The following DGKG variants were observed in gnomAD, a reference collection of about 807,000 sequenced individuals.
DGKG encodes DAG kinase gamma.
A neutral mutation model predicts 105.3 loss-of-function variants in DGKG; 78 were observed. That is an observed-to-expected ratio of 0.74 (90% CI 0.62 to 0.89). The LOEUF (loss-of-function observed/expected upper bound fraction) is 0.89, where lower values mean the gene tolerates loss of function less well. Among genes scored for constraint, DGKG ranks in the 40% least tolerant of loss-of-function variants. The pLI, the probability that DGKG is intolerant of heterozygous loss-of-function variation, is 0.00. For missense variants in DGKG, 958 were observed against 1,020.1 expected, an observed-to-expected ratio of 0.94 and a Z score of 0.83; for synonymous variants, 346 against 367.1, an observed-to-expected ratio of 0.94 and a Z score of 0.66.
At chr3:186,212,875 G>A (rs965539677) in intron 20 of DGKG, among the ~76,000 whole-genome samples, 3 of 152,206 alleles carry the variant, frequency 2.0e-5, no homozygotes. Flanking sequence ...TCAGAAGAGA[G>A]GATGCCACCT....
chr3:186,192,686 T>TC (rs1174830098), intron 21 of DGKG, among the ~76,000 whole-genome samples: 1 of 152,080 alleles, frequency 6.6e-6, no homozygotes, highest in Non-Finnish European at 1.5e-5. Context: ...TGGAGATGAG[T>TC]CAGTGAGGCA....
At chr3:186,339,918 C>A (rs1726008568) in intron 1 of DGKG, among the ~76,000 whole-genome samples, 1 of 152,206 alleles carries the variant, frequency 6.6e-6, no homozygotes, top group Non-Finnish European at 1.5e-5. Flanking sequence ...ATCTCTTGAG[C>A]CCAAGTTTCC....
At chr3:186,312,895 G>C (rs1419565082) in intron 2 of DGKG, among the ~76,000 whole-genome samples, 1 of 152,208 alleles carries the variant, frequency 6.6e-6, no homozygotes, top group Non-Finnish European at 1.5e-5. Context: ...CATAAGCACG[G>C]ATGTACTTGC....
At chr3:186,354,257 C>T (rs1726796103) in intron 1 of DGKG, among the ~76,000 whole-genome samples, 1 of 152,100 alleles carries the variant, frequency 6.6e-6, no homozygotes, top group Non-Finnish European at 1.5e-5. Context: ...AGCCACTGTT[C>T]CCAGAGCAGA....
Position 186,194,068 on chromosome 3 carries a change from G to A in DGKG, c.1918-5689C>T, listed in dbSNP as rs551895575. 2.0e-5 allele frequency among the ~76,000 whole-genome samples: 3 copies of A among 152,346 alleles called. No homozygotes were observed. The South Asian group carries it at 6.2e-4, about 32-fold the overall frequency. ...CAGCGCCGGAGTCCGTCTGAACCCA[G>A]GCCCGGGAGGCCAGAGGCTGCCGGC... On this transcript the variant is annotated intron_variant, in intron 21 of 24. Coordinates refer to ENST00000265022, the MANE Select transcript of DGKG (RefSeq NM_001346.3).
At chr3:186,194,803 T>TAAAAAAAACAAAAAAAAAAAAA (rs1718094832) in intron 21 of DGKG, among the ~76,000 whole-genome samples, 1 of 105,410 alleles carries the variant, frequency 9.5e-6, no homozygotes, top group African/African-American at 3.6e-5. Context: ...GGTCTTTCTT[T>TAAAAAAAACAAAAAAAAAAAAA]AAAAAAAAAA....
rs568847093 is a variant in DGKG, at chr3:186,226,401, C to T, written c.1827-14516G>A. Among the ~76,000 whole-genome samples the T allele has an allele frequency of 6.6e-6, 1 of 152,270 alleles. No homozygotes were observed. The highest frequency in any genetic ancestry group is 2.1e-4 in the South Asian group (1 of 4,822). On this transcript the variant is annotated intron_variant, in intron 20 of 24. Transcript: ENST00000265022. This position sits in a 1 kb window ranked among gnomAD's most constrained non-coding sequence, Gnocchi z 4.2. Reference sequence around the variant, plus strand: ...CAGAACGTCAGCTCAAATCAGAGGGCATCCCGTGGTGTTATCTCCACCCCA... The same window carrying T: ...CAGAACGTCAGCTCAAATCAGAGGGTATCCCGTGGTGTTATCTCCACCCCA...
At chr3:186,337,757 T>C (rs938568579) in intron 1 of DGKG, among the ~76,000 whole-genome samples, 2 of 152,170 alleles carry the variant, frequency 1.3e-5, no homozygotes, top group African/African-American at 4.8e-5. Context: ...TATTAAGGGA[T>C]CTCAGCAAAG....
At chr3:186,189,899 A>C (rs1717823700) in intron 21 of DGKG, among the ~76,000 whole-genome samples, 1 of 152,172 alleles carries the variant, frequency 6.6e-6, no homozygotes, top group South Asian at 2.1e-4. Context: ...GAACCCATAC[A>C]GAATGACCCT....
chr3:186,302,484 A>C (rs1445587915), intron 3 of DGKG, among the ~76,000 whole-genome samples: 1 of 8,864 alleles, frequency 1.1e-4, no homozygotes, highest in African/African-American at 6.2e-4. Flanking sequence ...ATATATATAT[A>C]TATATATATA....
chr3:186,332,387 G>A (rs1167491662), intron 1 of DGKG, among the ~76,000 whole-genome samples: 1 of 152,196 alleles, frequency 6.6e-6, no homozygotes, highest in East Asian at 1.9e-4. Flanking sequence ...GGAAATTTAA[G>A]GAAGCAGGGT....
chr3:186,329,453 G>C (rs1725498718), intron 1 of DGKG, among the ~76,000 whole-genome samples: 1 of 152,170 alleles, frequency 6.6e-6, no homozygotes, highest in Non-Finnish European at 1.5e-5. Context: ...TCATTTGAAT[G>C]AATCAGCCAT....
Position 186,275,619 on chromosome 3 carries a change from T to G in DGKG, c.838A>C (p.Lys280Gln), listed in dbSNP as rs766232199. ...CAGAAGTTGCAGTAGGTTGGTTTCT[T>G]GAAGTGCTTCATGGTCCAGGCGTGC... The part of the protein sequence containing the change: ...GRHAWTMKHF[K>Q]KPTYCNFCHI... The change falls in exon 10 of 25, where the codon AAG becomes CAG. Residue 280 changes from lysine (K) to glutamine (Q), a missense_variant. Around this residue, in one of 2 missense-constraint regions of DGKG, gnomAD observed 643 missense variants for 619.5 expected, o/e 1.04. Transcript: ENST00000265022. The G allele has an allele frequency of 6.2e-7, 1 of 1,614,222 alleles. No homozygotes were observed. The highest frequency in any genetic ancestry group is 1.1e-5 in the South Asian group (1 of 91,088).
intron 22 of DGKG, among the ~76,000 whole-genome samples, chr3:186,172,156 T>A (rs1716854735): frequency 6.6e-6 from 1 of 152,166 alleles, no homozygotes; most frequent in Non-Finnish European, 1.5e-5. Context: ...GCCCGCTTGC[T>A]TTTTTGCATT....
intron 20 of DGKG, among the ~76,000 whole-genome samples, chr3:186,216,407 A>G (rs1719295811): frequency 6.6e-6 from 1 of 152,128 alleles, no homozygotes; most frequent in Admixed American, 6.5e-5. Context: ...CTCCTCTTTT[A>G]ACTCAGGCAC....
intron 21 of DGKG, among the ~76,000 whole-genome samples, chr3:186,202,057 G>A (rs1228732802): frequency 6.6e-6 from 1 of 152,134 alleles, no homozygotes; most frequent in East Asian, 1.9e-4. Flanking sequence ...TCTGATCTTG[G>A]GAGTACTTAC....
At chr3:186,358,948 T>C (rs1014961920) in intron 1 of DGKG, among the ~76,000 whole-genome samples, 1 of 152,232 alleles carries the variant, frequency 6.6e-6, no homozygotes, top group African/African-American at 2.4e-5. Context: ...GTATGTGACA[T>C]TTAGCTAGAG....
At chr3:186,221,016 C>T (rs527381464) in intron 20 of DGKG, among the ~76,000 whole-genome samples, 7 of 152,344 alleles carry the variant, frequency 4.6e-5, no homozygotes, top group South Asian at 4.1e-4. Flanking sequence ...CAAGGACACA[C>T]GTGTGCACGT....
At chr3:186,356,684 A>G (rs766405420) in intron 1 of DGKG, among the ~76,000 whole-genome samples, 5 of 152,242 alleles carry the variant, frequency 3.3e-5, no homozygotes, top group Non-Finnish European at 5.9e-5. Flanking sequence ...CTAGGACAAG[A>G]GTGATGATAA....
Sources: gnomAD v4.1 joint callset for allele counts (sites outside exome capture counted in the v4.1 genomes callset) on GRCh38, gnomAD v4.1.1 for gene constraint, gnomAD v4.1.1 regional missense constraint, Gnocchi (gnomAD v3.1) non-coding constraint, MANE v1.5 for transcripts, NCBI Gene and HGNC (gene_info 2026-07-23, HGNC 2026-07-21) for gene names.